Variants in NTRK1 observed in about 807,000 individuals in gnomAD.
NTRK1 encodes high affinity nerve growth factor receptor.
Under a neutral mutation model 86.8 loss-of-function variants are expected in NTRK1, and 62 were observed. That is an observed-to-expected ratio of 0.71 (90% confidence interval 0.58 to 0.88). The LOEUF (loss-of-function observed/expected upper bound fraction) is 0.88, where lower values mean the gene tolerates loss of function less well. Ranked by LOEUF, NTRK1 falls within the 40% of genes least tolerant of loss-of-function variation. NTRK1 has a pLI of 0.00. For missense variants in NTRK1, 967 were observed against 1,078.4 expected, an observed-to-expected ratio of 0.90 and a Z score of 1.45; for synonymous variants, 469 against 456.6, an observed-to-expected ratio of 1.03 and a Z score of -0.35.
At chr1:156,852,751 A>C (rs1278386872) in intron 2 of NTRK1, among the ~76,000 whole-genome samples, 2 of 152,186 alleles carry the variant, frequency 1.3e-5, no homozygotes, top group Non-Finnish European at 2.9e-5. Context: ...CTGGCTGGCT[A>C]TGGGAGCGAT....
chr1:156,865,167 G>A, intron 3 of NTRK1: 1 of 319,980 alleles, frequency 3.1e-6, no homozygotes, highest in Non-Finnish European at 6.1e-6. Context: ...CATTGACTTG[G>A]CCCCTAGGAC....
At chr1:156,815,793 C>T (rs770230661) in exon 1 of NTRK1, 2 of 1,613,922 alleles carry the variant, frequency 1.2e-6, no homozygotes, top group South Asian at 1.1e-5. Flanking sequence ...TCCAGAGGGC[C>T]TAGGAGCAGT....
At chr1:156,869,002 C>G (rs1647363358) in intron 6 of NTRK1, among the ~76,000 whole-genome samples, 1 of 80,812 alleles carries the variant, frequency 1.2e-5, no homozygotes, top group Non-Finnish European at 2.6e-5. Flanking sequence ...CCCTCCCGTA[C>G]ATCACTTTTC....
At chr1:156,866,341 C>G (rs767079808) in intron 3 of NTRK1, among the ~76,000 whole-genome samples, 3 of 152,222 alleles carry the variant, frequency 2.0e-5, no homozygotes, top group Non-Finnish European at 4.4e-5. Context: ...GCTGGGCTCA[C>G]TTTTTCCATC....
intron 1 of NTRK1, among the ~76,000 whole-genome samples, chr1:156,817,642 C>CTTT (rs1317245406): frequency 3.0e-5 from 4 of 131,264 alleles, no homozygotes; most frequent in African/African-American, 1.1e-4. Context: ...GTGTTGACAT[C>CTTT]TTTTTTTTTT....
intron 1 of NTRK1, among the ~76,000 whole-genome samples, chr1:156,838,539 G>A (rs1013848461): frequency 1.3e-5 from 2 of 152,146 alleles, no homozygotes; most frequent in Non-Finnish European, 2.9e-5. Flanking sequence ...TGTCTCTCAG[G>A]AGACATATTT....
chr1:156,816,668 CACTT>C, intron 1 of NTRK1: 1 of 1,602,072 alleles, frequency 6.2e-7, no homozygotes, highest in Non-Finnish European at 8.5e-7. Flanking sequence ...TTCAACTTCA[CACTT>C]ACCTTGGGGA....
exon 2 of NTRK1, chr1:156,842,092 C>A: frequency 6.2e-7 from 1 of 1,613,788 alleles, no homozygotes; most frequent in Non-Finnish European, 8.5e-7. Context: ...CCGCCCTCAT[C>A]TGCCTGGCAC....
chr1:156,834,726 A>G (rs1328519729), intron 1 of NTRK1, among the ~76,000 whole-genome samples: 1 of 106,514 alleles, frequency 9.4e-6, no homozygotes, highest in Non-Finnish European at 1.7e-5. Flanking sequence ...CTGTTTCAAG[A>G]AGAAAAAAAA....
intron 12 of NTRK1, 68 bp from the exon 13 acceptor site, chr1:156,876,012 A>G (rs2102916732): frequency 6.2e-7 from 1 of 1,612,350 alleles, no homozygotes; most frequent in South Asian, 1.1e-5. Context: ...CCCTGCCAAG[A>G]CAGTCCCCGC....
At chr1:156,837,642 T>C (rs1462032019) in intron 1 of NTRK1, 1 of 152,022 alleles carries the variant, frequency 6.6e-6, no homozygotes. Context: ...GCCTGAGGAG[T>C]TATGCATGGG....
chr1:156,851,894 C>A, intron 2 of NTRK1: 1 of 1,582,782 alleles, frequency 6.3e-7, no homozygotes, highest in South Asian at 1.2e-5. Flanking sequence ...TCACCTGCTG[C>A]TATTACGGGT....
intron 2 of NTRK1, among the ~76,000 whole-genome samples, chr1:156,850,076 A>AT (rs1244762849): frequency 7.9e-5 from 12 of 151,984 alleles, no homozygotes; most frequent in Non-Finnish European, 1.6e-4. Context: ...CTAATTTTGT[A>AT]TTTTTTATAG....
At position 156,825,342 on chromosome 1, in the gene NTRK1, C is replaced by T. The variant is rs74118768; in HGVS notation, c.-64+9504C>T. Among the ~76,000 whole-genome samples, 485 of 152,254 alleles carry T rather than the reference C, an allele frequency of 3.2e-3. 4 individuals carry two copies. Among genetic ancestry groups the T allele is most frequent in the African/African-American group, 0.011 (462 of 41,560 alleles). On this transcript the variant is annotated intron_variant, in intron 1 of 16. Transcript: ENST00000392302. The stretch of plus-strand genomic sequence containing the variant: ...TAAATGCCTTGCCTTTTTCTTAGTG[C>T]TAGGAAGTGCAGGGTGCAACATCTT...
chr1:156,850,434 A>C (rs1053950748), intron 2 of NTRK1, among the ~76,000 whole-genome samples: 1 of 147,274 alleles, frequency 6.8e-6, no homozygotes, highest in African/African-American at 2.5e-5. Flanking sequence ...CTGGTCTTGA[A>C]CTCCTGACCG....
chr1:156,840,786 G>C (rs1654744710), intron 1 of NTRK1: 1 of 1,020,706 alleles, frequency 9.8e-7, no homozygotes, highest in Non-Finnish European at 1.5e-6. Flanking sequence ...GAGTTGGGGT[G>C]GGGGTGAACA....
At chr1:156,867,708 A>C (rs963780524) in intron 4 of NTRK1, among the ~76,000 whole-genome samples, 1 of 147,416 alleles carries the variant, frequency 6.8e-6, no homozygotes, top group Non-Finnish European at 1.5e-5. Flanking sequence ...TCGCTCTGTC[A>C]CCCAGGCTGG....
intron 1 of NTRK1, among the ~76,000 whole-genome samples, chr1:156,833,199 T>TCACTTTCC (rs1202551857): frequency 6.6e-6 from 1 of 152,260 alleles, no homozygotes; most frequent in Non-Finnish European, 1.5e-5. Flanking sequence ...TCTGTAAGGC[T>TCACTTTCC]CACTTTCCTC....
At chr1:156,860,806 G>T (rs1019047840), upstream of NTRK1, 1 of 1,331,028 alleles carries the variant, frequency 7.5e-7, no homozygotes, top group Non-Finnish European at 9.6e-7. Flanking sequence ...GGCGGGGGCC[G>T]CTGGCTCCGC....
Sources: gnomAD v4.1 joint callset for allele counts (sites outside exome capture counted in the v4.1 genomes callset) on GRCh38, gnomAD v4.1.1 for gene constraint, MANE v1.5 for transcripts, NCBI Gene and HGNC (gene_info 2026-07-23, HGNC 2026-07-21) for gene names.